NFXL1: variants seen among roughly 807,000 people sequenced by gnomAD.
NFXL1 encodes the protein NF-X1-type zinc finger protein NFXL1.
A neutral mutation model predicts 123.3 loss-of-function variants in NFXL1; 66 were observed. The observed-to-expected ratio is 0.54, with a 90% confidence interval of 0.44 to 0.66. The LOEUF is 0.66. Ranked by LOEUF, NFXL1 falls within the 30% of genes least tolerant of loss-of-function variation. The pLI is 0.00. For synonymous variants in NFXL1, 346 were observed against 360.8 expected (o/e 0.96, Z 0.46); for missense variants, 944 against 1,125.6 (o/e 0.84, Z 2.31).
chr4:47,904,110 T>C (rs1237551844), intron 4 of NFXL1, among the ~76,000 whole-genome samples: 1 of 151,822 alleles, frequency 6.6e-6, no homozygotes, highest in Non-Finnish European at 1.5e-5. Flanking sequence ...GATGCAGGAG[T>C]AAGGGGACTA....
chr4:47,911,064 T>C (rs767345187), intron 2 of NFXL1, 70 bp from the exon 3 acceptor site: 53 of 877,330 alleles, frequency 6.0e-5, no homozygotes, highest in Non-Finnish European at 8.4e-5. Context: ...TGTGCTAATA[T>C]ATCATTTTAC....
chr4:47,908,961 A>AG (rs2110108771), intron 3 of NFXL1, among the ~76,000 whole-genome samples: 1 of 151,594 alleles, frequency 6.6e-6, no homozygotes, highest in East Asian at 1.9e-4. Context: ...TCGCAAAAAA[A>AG]AAAAAAAAAA....
intron 11 of NFXL1, among the ~76,000 whole-genome samples, chr4:47,892,635 G>A (rs1427206797): frequency 6.6e-6 from 1 of 152,120 alleles, no homozygotes; most frequent in African/African-American, 2.4e-5. Flanking sequence ...CTCAGTAATG[G>A]GGCCAAATTA....
chr4:47,853,632 T>C (rs937567836), intron 20 of NFXL1, among the ~76,000 whole-genome samples: 17 of 152,052 alleles, frequency 1.1e-4, no homozygotes, highest in Non-Finnish European at 2.5e-4. Flanking sequence ...GAAAAACATA[T>C]TGTATTTTAC....
intron 5 of NFXL1, among the ~76,000 whole-genome samples, chr4:47,901,707 A>G (rs1045931968): frequency 1.3e-5 from 2 of 152,222 alleles, no homozygotes; most frequent in African/African-American, 4.8e-5. Flanking sequence ...ATTTAAAAGT[A>G]AGAAATCCTA....
At chr4:47,873,326 CT>C (rs1319585950) in intron 18 of NFXL1, among the ~76,000 whole-genome samples, 1 of 152,178 alleles carries the variant, frequency 6.6e-6, no homozygotes, top group Non-Finnish European at 1.5e-5. Context: ...ATGGTGACTC[CT>C]TTCCAGAACG....
intron 15 of NFXL1, among the ~76,000 whole-genome samples, chr4:47,880,426 CAAAAAAAAAAAAA>C (rs752132328): frequency 5.5e-5 from 2 of 36,642 alleles, no homozygotes; most frequent in East Asian, 8.4e-4. Flanking sequence ...GATCCAGTCT[CAAAAAAAAAAAAA>C]AAAAAAAAAG....
intron 18 of NFXL1, among the ~76,000 whole-genome samples, chr4:47,865,688 T>C (rs1269412221): frequency 1.3e-5 from 2 of 152,082 alleles, no homozygotes; most frequent in African/African-American, 4.8e-5. Flanking sequence ...CTAAAGGGAA[T>C]GGATTTTAAC....
chr4:47,885,332 CTG>C (rs923460245), intron 14 of NFXL1, among the ~76,000 whole-genome samples, 164 bp downstream of exon 14: 23 of 152,162 alleles, frequency 1.5e-4, no homozygotes, highest in African/African-American at 5.3e-4. Context: ...CTTTCCTACA[CTG>C]TGAGTTGCTT....
chr4:47,891,621 T>C (rs1480794675), intron 11 of NFXL1, among the ~76,000 whole-genome samples: 1 of 152,188 alleles, frequency 6.6e-6, no homozygotes, highest in Non-Finnish European at 1.5e-5. Flanking sequence ...CTTAACTCTT[T>C]CCTTAACTTC....
chr4:47,878,376 G>A (rs1735880341), intron 17 of NFXL1, 149 bp downstream of exon 17: 3 of 614,468 alleles, frequency 4.9e-6, no homozygotes, highest in Admixed American at 5.5e-5. Flanking sequence ...AAGGCCAGCT[G>A]TCTTAGGAAA....
intron 2 of NFXL1, 34 bp downstream of exon 2, chr4:47,913,935 T>A: frequency 6.8e-7 from 1 of 1,479,608 alleles, no homozygotes; most frequent in Non-Finnish European, 9.2e-7. Flanking sequence ...TTAGGAGGCA[T>A]CCAGGTGAGC....
At position 47,914,158 on chromosome 4, in the gene NFXL1, G is replaced by A. The variant is rs1002335894; in HGVS notation, c.46C>T (p.Arg16Trp). The A allele has an allele frequency of 1.3e-6, 2 of 1,546,372 alleles. No homozygotes were observed. Among genetic ancestry groups the A allele is most frequent in the Non-Finnish European group, 1.7e-6 (2 of 1,144,370 alleles). ...GAGGGGGCGGCAGTGGCCCGTCCCC[G>A]GGATCGGCCTCGGCCACCGGCCACC... ...RQVAGGRGRSRGRATAAPSGN... is the reference protein window; with the variant it reads ...RQVAGGRGRSWGRATAAPSGN... Residue 16 changes from arginine to tryptophan, a missense_variant, in exon 2 of 23, where the codon CGG becomes TGG. Coordinates refer to ENST00000507489, the MANE Select transcript of NFXL1 (RefSeq NM_001278624.2).
intron 10 of NFXL1, among the ~76,000 whole-genome samples, chr4:47,895,113 ATCAG>A (rs1192675133): frequency 6.6e-6 from 1 of 152,142 alleles, no homozygotes; most frequent in Non-Finnish European, 1.5e-5. Flanking sequence ...ATATTTCCTG[ATCAG>A]TCAGTCTCAA....
At chr4:47,898,442 T>C (rs1439744896) in intron 8 of NFXL1, among the ~76,000 whole-genome samples, 1 of 152,062 alleles carries the variant, frequency 6.6e-6, no homozygotes, top group African/African-American at 2.4e-5. Context: ...ATTGGATTAA[T>C]TCAAGAAGCA....
At chr4:47,876,708 G>C (rs76312106) in intron 17 of NFXL1, among the ~76,000 whole-genome samples, 2,574 of 152,204 alleles carry the variant, frequency 0.017, 40 homozygotes, top group East Asian at 0.061. Flanking sequence ...GTAAAACAAA[G>C]TGAGTAGAAA....
intron 19 of NFXL1, among the ~76,000 whole-genome samples, chr4:47,861,195 T>C (rs1351133495): frequency 6.6e-6 from 1 of 152,100 alleles, no homozygotes; most frequent in Non-Finnish European, 1.5e-5. Context: ...CTTAAAGTGA[T>C]TCTAATGAAT....
chr4:47,897,912 T>C, intron 9 of NFXL1, 55 bp downstream of exon 9: 1 of 1,140,368 alleles, frequency 8.8e-7, no homozygotes, highest in Non-Finnish European at 1.3e-6. Flanking sequence ...TTGAATGTCT[T>C]TTCATGGCTT....
chr4:47,859,820 C>T (rs564462843), intron 19 of NFXL1, among the ~76,000 whole-genome samples: 5 of 110,510 alleles, frequency 4.5e-5, no homozygotes, highest in East Asian at 3.1e-4. Context: ...CCAACCCAGG[C>T]AACAGAGTGA....
Sources: allele counts gnomAD v4.1 joint callset (sites outside exome capture counted in the v4.1 genomes callset), GRCh38; gene constraint gnomAD v4.1.1; transcripts MANE v1.5; gene names NCBI Gene and HGNC (gene_info 2026-07-23, HGNC 2026-07-21).